The following LYPD6B variants were observed in gnomAD, a reference collection of about 807,000 sequenced individuals.
LYPD6B encodes the protein LY6/PLAUR domain containing 6B.
In LYPD6B, 17 loss-of-function variants were observed where a neutral mutation model predicts 22.8. The observed-to-expected ratio is 0.75, with a 90% confidence interval of 0.51 to 1.12. The LOEUF is 1.12. Ranked by LOEUF, LYPD6B falls within the 50% of genes most tolerant of loss-of-function variation. LYPD6B has a pLI of 0.00. For missense variants in LYPD6B, 221 were observed against 258.3 expected, an observed-to-expected ratio of 0.86 and a Z score of 0.99; for synonymous variants, 106 against 91.6, an observed-to-expected ratio of 1.16 and a Z score of -0.90.
chr2:149,152,236 T>C (rs879332879), intron 2 of LYPD6B, among the ~76,000 whole-genome samples: 1 of 152,210 alleles, frequency 6.6e-6, no homozygotes. Context: ...ACACAAGGAT[T>C]GTATTATTCA....
chr2:149,041,769 A>G (rs1471410706), intron 1 of LYPD6B, among the ~76,000 whole-genome samples: 2 of 152,174 alleles, frequency 1.3e-5, no homozygotes, highest in African/African-American at 2.4e-5. Flanking sequence ...GTAAGTAAAG[A>G]CAGGACTACC....
At chr2:149,105,308 G>A (rs1686419413) in intron 1 of LYPD6B, among the ~76,000 whole-genome samples, 1 of 152,090 alleles carries the variant, frequency 6.6e-6, no homozygotes, top group Non-Finnish European at 1.5e-5. Context: ...TTTTGATATG[G>A]ATTTTGGAAT....
At chr2:149,189,235 G>A (rs1008255723) in intron 3 of LYPD6B, among the ~76,000 whole-genome samples, 4 of 151,234 alleles carry the variant, frequency 2.6e-5, no homozygotes, top group South Asian at 4.2e-4. Context: ...GAGATATGGA[G>A]CTATTTTTAA....
intron 1 of LYPD6B, among the ~76,000 whole-genome samples, chr2:149,058,679 A>C (rs1683918233): frequency 6.6e-6 from 1 of 152,078 alleles, no homozygotes; most frequent in African/African-American, 2.4e-5. Flanking sequence ...GAATGCAGTG[A>C]TGTCATCTCA....
chr2:149,091,853 T>C (rs1405751625), intron 1 of LYPD6B, among the ~76,000 whole-genome samples: 1 of 152,186 alleles, frequency 6.6e-6, no homozygotes, highest in Non-Finnish European at 1.5e-5. Flanking sequence ...AATTTTAAGA[T>C]ATGTGACAAA....
At chr2:149,074,575 G>A (rs1323328743) in intron 1 of LYPD6B, among the ~76,000 whole-genome samples, 3 of 152,140 alleles carry the variant, frequency 2.0e-5, no homozygotes, top group Non-Finnish European at 2.9e-5. Flanking sequence ...GTGCTGATGG[G>A]CCCTTCCAGC....
intron 2 of LYPD6B, among the ~76,000 whole-genome samples, chr2:149,135,853 GATACCTTATGTCAC>G (rs1001033355): frequency 1.8e-4 from 28 of 151,670 alleles, no homozygotes; most frequent in African/African-American, 6.3e-4. Context: ...AACCAGAGCT[GATACCTTATGTCAC>G]ATTAAGGGGA....
At chr2:149,084,408 A>C (rs1281930604) in intron 1 of LYPD6B, among the ~76,000 whole-genome samples, 1 of 151,706 alleles carries the variant, frequency 6.6e-6, no homozygotes, top group Non-Finnish European at 1.5e-5. Flanking sequence ...TATGACAGTT[A>C]CAGGCATTAT....
chr2:149,069,566 G>A (rs1684501855), intron 1 of LYPD6B, among the ~76,000 whole-genome samples: 1 of 152,166 alleles, frequency 6.6e-6, no homozygotes, highest in Non-Finnish European at 1.5e-5. Flanking sequence ...GAAGCTGGTT[G>A]GGCAGGAAGG....
chr2:149,190,596 G>A lies in LYPD6B; in HGVS notation c.78-14657G>A, dbSNP rs1385699694. Among the ~76,000 whole-genome samples the A allele has an allele frequency of 3.3e-5, 5 of 152,220 alleles. No homozygotes were observed. The East Asian group carries it at 9.6e-4, about 29-fold the overall frequency. ...GAAAACATGTTCATGTATCAGCTTG[G>A]CCAAAATTTAGAAGTTATAAAGTAC... On this transcript the variant is annotated intron_variant, in intron 3 of 6. Transcript: ENST00000409642.
intron 1 of LYPD6B, among the ~76,000 whole-genome samples, chr2:149,087,507 A>G (rs1441835925): frequency 1.3e-5 from 2 of 152,168 alleles, no homozygotes; most frequent in Admixed American, 1.3e-4. Flanking sequence ...TCAAGGCTGC[A>G]GTGAGCTGTA....
rs548746761 is a variant in LYPD6B at position 149,189,448 on chromosome 2, A to G, written c.78-15805A>G. 2.7e-5 allele frequency among the ~76,000 whole-genome samples: 4 copies of G among 149,466 alleles called. No homozygotes were observed. In the Admixed American group the frequency reaches 2.7e-4, roughly 10 times the overall value. On this transcript the variant is annotated intron_variant, in intron 3 of 6. Transcript: ENST00000409642. ...ATGTGGATCACTTTTTACGGCAATT[A>G]TGTGTTTTTAATCTTAAAAATGGAT... is the stretch of plus-strand genomic sequence containing the variant.
At chr2:149,106,811 T>C (rs752601004) in intron 1 of LYPD6B, among the ~76,000 whole-genome samples, 3 of 152,160 alleles carry the variant, frequency 2.0e-5, no homozygotes, top group Non-Finnish European at 2.9e-5. Context: ...ATTTCGTTTC[T>C]TCTGCCTATT....
intron 1 of LYPD6B, among the ~76,000 whole-genome samples, chr2:149,110,282 C>T (rs1384494239): frequency 6.6e-6 from 1 of 152,074 alleles, no homozygotes; most frequent in Non-Finnish European, 1.5e-5. Context: ...TCTGATAATT[C>T]TAACATCTGT....
intron 1 of LYPD6B, chr2:149,068,485 C>T (rs182028205): frequency 1.0e-5 from 2 of 191,152 alleles, no homozygotes; most frequent in South Asian, 1.1e-4. Context: ...TTTATTGTCA[C>T]GCAGATGGCA....
intron 3 of LYPD6B, among the ~76,000 whole-genome samples, chr2:149,198,275 C>G (rs773761760): frequency 3.9e-5 from 6 of 152,120 alleles, no homozygotes; most frequent in Admixed American, 6.5e-5. Context: ...AACTCTTGAT[C>G]TCATGATCTG....
rs543469931 is a variant in LYPD6B, at chr2:149,208,882, A to G, written c.328+470A>G. Among the ~76,000 whole-genome samples the G allele has an allele frequency of 1.2e-4, 19 of 152,294 alleles. No homozygotes were observed. The South Asian group carries it at 2.9e-3, about 23-fold the overall frequency. ...AAATATTTGCTGACAGAATGAATGG[A>G]AGCCTCTGATTAGATAGTCAGGGAA... On this transcript the variant is annotated intron_variant, in intron 5 of 6. Transcript: ENST00000409642.
At chr2:149,186,339 A>G (rs1375574081) in intron 3 of LYPD6B, among the ~76,000 whole-genome samples, 1 of 152,268 alleles carries the variant, frequency 6.6e-6, no homozygotes, top group African/African-American at 2.4e-5. Flanking sequence ...AACTAACCAC[A>G]GCATTCCCTT....
intron 1 of LYPD6B, among the ~76,000 whole-genome samples, chr2:149,074,731 T>A (rs1684801698): frequency 6.6e-6 from 1 of 152,276 alleles, no homozygotes; most frequent in South Asian, 2.1e-4. Context: ...TACCACTTAC[T>A]TTCCTGGGAA....
Sources: gnomAD v4.1 joint callset for allele counts (sites outside exome capture counted in the v4.1 genomes callset) on GRCh38, gnomAD v4.1.1 for gene constraint, MANE v1.5 for transcripts, NCBI Gene and HGNC (gene_info 2026-07-23, HGNC 2026-07-21) for gene names.